Variants in THADA observed in about 807,000 individuals in gnomAD.
THADA encodes tRNA (32-2'-O)-methyltransferase regulator THADA.
In THADA, 213 loss-of-function variants were observed where a neutral mutation model predicts 219.8. The observed-to-expected ratio is 0.97, with a 90% CI of 0.87 to 1.09. THADA has a LOEUF of 1.09. THADA is among the 50% of genes least tolerant of loss of function. The pLI is 0.00. For synonymous variants in THADA, 1,018 were observed against 828.9 expected (o/e 1.23, Z -3.92); for missense variants, 2,956 against 2,311.3 (o/e 1.28, Z -5.72).
At chr2:43,430,361 G>T in intron 26 of THADA, 59 bp from the exon 27 acceptor site, 1 of 970,638 alleles carries the variant, frequency 1.0e-6, no homozygotes, top group Non-Finnish European at 1.5e-6. Flanking sequence ...TGACAATAAA[G>T]CCTTTTTTTT....
At chr2:43,424,438 G>C (rs1678150807) in intron 28 of THADA, among the ~76,000 whole-genome samples, 1 of 151,964 alleles carries the variant, frequency 6.6e-6, no homozygotes, top group Admixed American at 6.6e-5. Context: ...CTTAACAACG[G>C]TACAAAAATA....
intron 26 of THADA, among the ~76,000 whole-genome samples, chr2:43,467,951 G>A (rs182238517): frequency 8.5e-5 from 13 of 152,350 alleles, no homozygotes; most frequent in Admixed American, 8.5e-4. Flanking sequence ...AGACCGCTGA[G>A]CTAAGCCAGA....
intron 29 of THADA, among the ~76,000 whole-genome samples, chr2:43,358,965 T>C (rs1669183319): frequency 1.3e-5 from 2 of 152,174 alleles, no homozygotes; most frequent in Non-Finnish European, 1.5e-5. Flanking sequence ...GAAAAAATGA[T>C]TCCTCTAAGC....
chr2:43,465,607 T>C (rs1169193389), intron 26 of THADA, among the ~76,000 whole-genome samples: 1 of 152,222 alleles, frequency 6.6e-6, no homozygotes, highest in Non-Finnish European at 1.5e-5. Flanking sequence ...ATCAGATTAC[T>C]AAAATACTCA....
intron 24 of THADA, among the ~76,000 whole-genome samples, chr2:43,505,154 CACACATGAA>C (rs1689502133): frequency 6.6e-6 from 1 of 152,110 alleles, no homozygotes; most frequent in South Asian, 2.1e-4. Flanking sequence ...CGCAAAGAAG[CACACATGAA>C]ATTCTAAAGT....
At chr2:43,587,113 C>A in intron 4 of THADA, 111 bp from the exon 5 acceptor site, 1 of 1,166,404 alleles carries the variant, frequency 8.6e-7, no homozygotes, top group South Asian at 1.5e-5. Context: ...CTTCAAAATA[C>A]AGCCAGAAAA....
chr2:43,556,039 C>T, intron 17 of THADA: 3 of 418,530 alleles, frequency 7.2e-6, no homozygotes, highest in Non-Finnish European at 1.0e-5. Flanking sequence ...TGTCTCTAGT[C>T]ACAGTATAAT....
intron 36 of THADA, among the ~76,000 whole-genome samples, chr2:43,243,718 G>T (rs1668846561): frequency 6.6e-6 from 1 of 152,186 alleles, no homozygotes; most frequent in South Asian, 2.1e-4. Flanking sequence ...TTCCAGGTCT[G>T]AAGGGAAGGG....
intron 31 of THADA, among the ~76,000 whole-genome samples, chr2:43,311,670 A>G (rs1346715724): frequency 6.6e-6 from 1 of 152,266 alleles, no homozygotes; most frequent in Middle Eastern, 3.2e-3. Context: ...ATATACTGGA[A>G]TATTATTCAG....
At chr2:43,546,296 G>A (rs1221365002) in intron 20 of THADA, among the ~76,000 whole-genome samples, 4 of 151,868 alleles carry the variant, frequency 2.6e-5, no homozygotes, top group Admixed American at 6.6e-5. Context: ...CCCACTACGT[G>A]GTCAATTTTG....
chr2:43,276,950 A>C (rs1352662059), intron 36 of THADA, among the ~76,000 whole-genome samples: 2 of 152,118 alleles, frequency 1.3e-5, no homozygotes, highest in Non-Finnish European at 2.9e-5. Context: ...CCACAGCAGC[A>C]GTCCCCATGT....
At chr2:43,235,070 C>T (rs977350374) in intron 36 of THADA, among the ~76,000 whole-genome samples, 2 of 152,002 alleles carry the variant, frequency 1.3e-5, no homozygotes, top group African/African-American at 4.8e-5. Context: ...ACCTCCACCT[C>T]CCGGGTTCAA....
Position 43,281,855 on chromosome 2 carries a change from G to A in THADA, c.5165-1959C>T, listed in dbSNP as rs186133831. 6.0e-5 allele frequency among the ~76,000 whole-genome samples: 9 copies of A among 149,268 alleles called. 1 individual carries two copies. The highest frequency in any genetic ancestry group is 2.0e-4 in the East Asian group (1 of 5,006). ...GCACAATGGCTCACACTGCAGGCTC[G>A]ACCTCCCAGGTTCAAGGAATTCTCC... is the stretch of plus-strand genomic sequence containing the variant. On this transcript the variant is annotated intron_variant, in intron 35 of 37. Transcript: ENST00000405975.
intron 28 of THADA, among the ~76,000 whole-genome samples, chr2:43,403,552 A>C (rs142971596): frequency 6.6e-6 from 1 of 152,152 alleles, no homozygotes; most frequent in Admixed American, 6.5e-5. Context: ...AAAGTCTCCA[A>C]ATGGCTTCAG....
intron 30 of THADA, among the ~76,000 whole-genome samples, chr2:43,338,305 C>T (rs992592257): frequency 6.6e-6 from 1 of 151,952 alleles, no homozygotes; most frequent in African/African-American, 2.4e-5. Context: ...TACAGGTGTG[C>T]GCAACCACAC....
At chr2:43,295,028 G>T (rs1675201333) in intron 31 of THADA, among the ~76,000 whole-genome samples, 2 of 152,168 alleles carry the variant, frequency 1.3e-5, no homozygotes, top group South Asian at 2.1e-4. Context: ...GGAGCCCAAG[G>T]TGGGAGGACT....
chr2:43,531,281 G>A (rs1053779650), intron 21 of THADA, among the ~76,000 whole-genome samples: 11 of 152,224 alleles, frequency 7.2e-5, no homozygotes, highest in Non-Finnish European at 1.5e-4. Flanking sequence ...CAAAATGAAA[G>A]AGGGTAATTA....
intron 36 of THADA, among the ~76,000 whole-genome samples, chr2:43,273,646 G>A (rs1163407002): frequency 6.6e-6 from 1 of 152,164 alleles, no homozygotes; most frequent in East Asian, 1.9e-4. Context: ...TGAGACTGGT[G>A]GGCAGCCTTA....
intron 22 of THADA, among the ~76,000 whole-genome samples, chr2:43,516,730 A>G (rs1270275136): frequency 6.6e-6 from 1 of 152,140 alleles, no homozygotes; most frequent in African/African-American, 2.4e-5. Context: ...CATTATTTCA[A>G]TGTGCCTGCC....
Sources: gnomAD v4.1 joint callset for allele counts (sites outside exome capture counted in the v4.1 genomes callset) on GRCh38, gnomAD v4.1.1 for gene constraint, MANE v1.5 for transcripts, NCBI Gene and HGNC (gene_info 2026-07-23, HGNC 2026-07-21) for gene names.